The following BTBD7 variants were observed in gnomAD, a reference collection of about 807,000 sequenced individuals.
The protein encoded by BTBD7 is BTB/POZ domain-containing protein 7.
In BTBD7, 38 loss-of-function variants were observed where a neutral mutation model predicts 99.9. The ratio of observed to expected loss-of-function variants is 0.38; its 90% CI spans 0.29 to 0.50. The LOEUF is 0.50. BTBD7 is among the 20% of genes least tolerant of loss of function. BTBD7 has a pLI of 0.93. For synonymous variants in BTBD7, 520 were observed against 511.4 expected (o/e 1.02, Z -0.23); for missense variants, 1,170 against 1,394.6 (o/e 0.84, Z 2.57).
intron 3 of BTBD7, chr14:93,288,044 T>C (rs1016316740): frequency 6.2e-6 from 1 of 160,906 alleles, no homozygotes; most frequent in Non-Finnish European, 1.3e-5. Flanking sequence ...CACTGTATTG[T>C]GGTATTCAGT....
rs1273855779 is a variant in BTBD7, at chr14:93,248,466, C to T, written c.2121+10G>A. 6.2e-7 allele frequency: 1 copy of T among 1,613,172 alleles called. No homozygotes were observed. Among genetic ancestry groups the T allele is most frequent in the East Asian group, 2.2e-5 (1 of 44,864 alleles). Reference sequence around the variant, plus strand: ...CTCCCTATTTTAAACAGTTTAATGTCATTTCCTACCTGCAACAGCTCTGCA... The same window carrying T: ...CTCCCTATTTTAAACAGTTTAATGTTATTTCCTACCTGCAACAGCTCTGCA... On this transcript the variant is annotated intron_variant, in intron 9 of 10. Transcript: ENST00000334746.
chr14:93,296,144 C>G lies in BTBD7; in HGVS notation c.-93G>C. 1 of 1,369,064 alleles carries G rather than the reference C, an allele frequency of 7.3e-7. No homozygotes were observed. Among genetic ancestry groups the G allele is most frequent in the Non-Finnish European group, 9.5e-7 (1 of 1,052,368 alleles). The allele number at this position is 1,369,064 out of a possible 1,614,324, so 84.8% of individuals were successfully genotyped here. On this transcript the variant is annotated 5_prime_UTR_variant, in exon 2 of 11. Coordinates refer to ENST00000334746, the MANE Select transcript of BTBD7 (RefSeq NM_001002860.4). ...CCTTCAACCCTGGATCCAGCAGCCT[C>G]TTTTCATCCATTTCTTGATATGAAA... is the stretch of plus-strand genomic sequence containing the variant.
chr14:93,315,812 A>G (rs536199807), intron 1 of BTBD7, among the ~76,000 whole-genome samples: 1 of 152,264 alleles, frequency 6.6e-6, no homozygotes, highest in African/African-American at 2.4e-5. Context: ...TTATTCATTC[A>G]TCCATCCATC....
At chr14:93,270,899 A>T (rs1308864146) in intron 3 of BTBD7, among the ~76,000 whole-genome samples, 4 of 152,174 alleles carry the variant, frequency 2.6e-5, no homozygotes, top group Non-Finnish European at 5.9e-5. Flanking sequence ...TTACAGATCC[A>T]TCTCCTACTT....
chr14:93,255,510 TTTC>T (rs1285855600), intron 6 of BTBD7: 4 of 152,248 alleles, frequency 2.6e-5, no homozygotes, highest in East Asian at 1.9e-4. Context: ...AATCTTTTTT[TTTC>T]TTCTTTTTTT....
At chr14:93,256,205 G>A (rs1380405519) in intron 6 of BTBD7, 1 of 151,986 alleles carries the variant, frequency 6.6e-6, no homozygotes, top group Non-Finnish European at 1.5e-5. Context: ...CTGCTAATCA[G>A]TTAATCTAGC....
intron 3 of BTBD7, among the ~76,000 whole-genome samples, chr14:93,290,569 G>A (rs975800569): frequency 6.8e-6 from 1 of 146,116 alleles, no homozygotes; most frequent in African/African-American, 2.5e-5. Flanking sequence ...CCGGGCTGGA[G>A]TGGAGTGGTG....
intron 3 of BTBD7, among the ~76,000 whole-genome samples, chr14:93,278,972 G>C (rs1288441227): frequency 6.6e-6 from 1 of 152,096 alleles, no homozygotes; most frequent in Non-Finnish European, 1.5e-5. Context: ...AAATTCTCCT[G>C]AACAAATGAA....
At chr14:93,302,213 G>A (rs2053012919) in intron 1 of BTBD7, among the ~76,000 whole-genome samples, 1 of 152,150 alleles carries the variant, frequency 6.6e-6, no homozygotes, top group South Asian at 2.1e-4. Context: ...TTAAGCACAA[G>A]GCATGGTTAA....
intron 3 of BTBD7, among the ~76,000 whole-genome samples, chr14:93,273,655 CA>C (rs1182511003): frequency 1.3e-5 from 2 of 152,184 alleles, no homozygotes; most frequent in African/African-American, 4.8e-5. Flanking sequence ...GCAGCTCCCC[CA>C]ACTCCTTGCT....
rs758187781 is a variant in BTBD7 at position 93,294,345 on chromosome 14, T to C, written c.675A>G (p.Glu225=). The C allele has an allele frequency of 2.5e-6, 4 of 1,614,206 alleles. No individual in the cohort carries two copies. The highest frequency in any genetic ancestry group is 1.1e-5 in the South Asian group (1 of 91,082). ...CAAGGGAATTTGGTGTTCCAAATTC[T>C]TCACTAAGCTGAACAAGGATATCGA... is the stretch of plus-strand genomic sequence containing the variant. ...QNVDILVQLS[E]EFGTPNSLDV... is the part of the protein sequence containing the mutation. The change falls in exon 3 of 11, where the codon GAA becomes GAG. Residue 225 remains glutamate (E), a synonymous_variant. Transcript: ENST00000334746.
intron 3 of BTBD7, among the ~76,000 whole-genome samples, chr14:93,268,520 CTG>C (rs2052566277): frequency 6.6e-6 from 1 of 152,134 alleles, no homozygotes; most frequent in African/African-American, 2.4e-5. Context: ...GTATCAGGCT[CTG>C]TGTTAACTGC....
intron 1 of BTBD7, among the ~76,000 whole-genome samples, chr14:93,313,681 C>CAA (rs1189897851): frequency 3.2e-5 from 2 of 62,994 alleles, no homozygotes; most frequent in Admixed American, 1.4e-4. Flanking sequence ...AATGAAACTA[C>CAA]ACACACACAC....
chr14:93,263,638 C>G, intron 4 of BTBD7, 147 bp downstream of exon 4: 3 of 692,556 alleles, frequency 4.3e-6, no homozygotes, highest in South Asian at 3.8e-5. Context: ...TTTTGTTGTA[C>G]AACTATGAAG....
In BTBD7 at chr14:93,261,510, A is replaced by G. The variant is rs1184104405; in HGVS notation, c.1447+92T>C. 5 of 1,011,120 alleles carry G rather than the reference A, an allele frequency of 4.9e-6. No homozygotes were observed. In the Admixed American group the frequency reaches 7.7e-5, roughly 16 times the overall value. 62.6% of individuals were successfully genotyped at this position (1,011,120 alleles called of 1,614,324 possible). A position where few individuals can be genotyped will look rare whatever the true frequency, so the allele number is the denominator to read the frequency against. On this transcript the variant is annotated intron_variant, in intron 5 of 10. Coordinates refer to ENST00000334746, the MANE Select transcript of BTBD7 (RefSeq NM_001002860.4). The stretch of plus-strand genomic sequence containing the variant: ...CCATTTTCACCAGGCAACAGTGTCA[A>G]TTTTCAAGACTGATGTGCGGCATGC...
intron 3 of BTBD7, among the ~76,000 whole-genome samples, chr14:93,279,193 A>G (rs1271112722): frequency 1.3e-5 from 2 of 152,074 alleles, no homozygotes; most frequent in Non-Finnish European, 2.9e-5. Context: ...GATAAAGCCA[A>G]TTGTCTCAGT....
chr14:93,298,675 G>A (rs1432633693), intron 1 of BTBD7, among the ~76,000 whole-genome samples: 1 of 151,980 alleles, frequency 6.6e-6, no homozygotes, highest in Non-Finnish European at 1.5e-5. Flanking sequence ...CTTAAACCAT[G>A]TCAAAAATCC....
In BTBD7 at chr14:93,309,409, A is replaced by G. The variant is rs75150538; in HGVS notation, c.-106-13252T>C. 1.1e-4 allele frequency among the ~76,000 whole-genome samples: 3 copies of G among 27,442 alleles called. No individual in the cohort carries two copies. The African/African-American group carries it at 1.2e-3, about 11-fold the overall frequency. The allele number at this position is 27,442 out of a possible 152,430, so 18.0% of individuals were successfully genotyped here. On this transcript the variant is annotated intron_variant, in intron 1 of 10. Coordinates refer to ENST00000334746, the MANE Select transcript of BTBD7 (RefSeq NM_001002860.4). ...AGGGCAAAACTCCTCTGTCTCCAAG[A>G]AAAAAAAAAAAAAAAGAGTAAAATG...
At chr14:93,247,216 T>G (rs762976226) in intron 9 of BTBD7, among the ~76,000 whole-genome samples, 1 of 152,124 alleles carries the variant, frequency 6.6e-6, no homozygotes, top group Non-Finnish European at 1.5e-5. Context: ...TTTGTAGAGA[T>G]AGGGTTTTGC....
Sources: gnomAD v4.1 joint callset for allele counts (sites outside exome capture counted in the v4.1 genomes callset) on GRCh38, gnomAD v4.1.1 for gene constraint, MANE v1.5 for transcripts, NCBI Gene and HGNC (gene_info 2026-07-23, HGNC 2026-07-21) for gene names.